The following CADM2 variants were observed in gnomAD, a reference collection of about 807,000 sequenced individuals.
CADM2 encodes immunoglobulin superfamily member 4D.
In CADM2, 12 loss-of-function variants were observed where a neutral mutation model predicts 49.8. The observed-to-expected ratio is 0.24, with a 90% CI of 0.15 to 0.39. The LOEUF (loss-of-function observed/expected upper bound fraction) is 0.39. Ranked by LOEUF, CADM2 falls within the 10% of genes least tolerant of loss-of-function variation. The pLI is 1.00. For missense variants in CADM2, 378 were observed against 492.3 expected, an observed-to-expected ratio of 0.77 and a Z score of 2.20; for synonymous variants, 214 against 175.4, an observed-to-expected ratio of 1.22 and a Z score of -1.74.
chr3:85,189,362 GAATA>G (rs1322261737), intron 1 of CADM2, among the ~76,000 whole-genome samples: 3 of 151,886 alleles, frequency 2.0e-5, no homozygotes, highest in Non-Finnish European at 4.4e-5. Context: ...CTTGAACCTT[GAATA>G]AATAATTTTT....
intron 2 of CADM2, among the ~76,000 whole-genome samples, chr3:85,735,168 A>C (rs898222008): frequency 6.6e-6 from 1 of 152,122 alleles, no homozygotes; most frequent in Non-Finnish European, 1.5e-5. Context: ...ATCCATTATG[A>C]AGAATAAAGT....
intron 1 of CADM2, among the ~76,000 whole-genome samples, chr3:85,516,873 T>G (rs12487474): frequency 0.08 from 12,208 of 152,028 alleles, 950 homozygotes; most frequent in African/African-American, 0.18. Flanking sequence ...ATTAATAAAT[T>G]AAATTTATTT....
At chr3:85,087,262 T>A (rs2107514707) in intron 1 of CADM2, among the ~76,000 whole-genome samples, 1 of 152,268 alleles carries the variant, frequency 6.6e-6, no homozygotes, top group East Asian at 1.9e-4. Context: ...GCCCACATGT[T>A]CCTGGATATT....
intron 1 of CADM2, among the ~76,000 whole-genome samples, chr3:85,208,737 A>G (rs1422958766): frequency 6.6e-6 from 1 of 152,160 alleles, no homozygotes; most frequent in Non-Finnish European, 1.5e-5. Context: ...ATTGAAATTA[A>G]AAATAATCTC....
intron 1 of CADM2, among the ~76,000 whole-genome samples, chr3:85,195,013 T>C (rs542577000): frequency 3.3e-5 from 5 of 152,152 alleles, no homozygotes; most frequent in Middle Eastern, 3.4e-3. Context: ...TGGCTCTGCA[T>C]TTTTAACCGG....
At chr3:85,809,150 A>T (rs2072647668) in intron 3 of CADM2, among the ~76,000 whole-genome samples, 1 of 152,246 alleles carries the variant, frequency 6.6e-6, no homozygotes, top group African/African-American at 2.4e-5. Flanking sequence ...TATACAGTAA[A>T]GTTATTAGAT....
intron 5 of CADM2, among the ~76,000 whole-genome samples, chr3:85,905,226 A>C (rs1342995263): frequency 7.2e-5 from 11 of 152,182 alleles, no homozygotes; most frequent in Admixed American, 7.2e-4. Context: ...TGTGGAAAAT[A>C]GCAAAGATAG....
At chr3:85,442,588 GTATATA>G (rs55882841) in intron 1 of CADM2, among the ~76,000 whole-genome samples, 1,240 of 120,658 alleles carry the variant, frequency 0.01, 11 homozygotes, top group African/African-American at 0.045. Flanking sequence ...TTATATATGA[GTATATA>G]TATATATATA....
rs1436625604 is a variant in CADM2 at position 85,336,949 on chromosome 3, ATATT to A, written c.61+377284_61+377287del. 3.4e-4 allele frequency among the ~76,000 whole-genome samples: 17 copies of A among 50,416 alleles called. No individual in the cohort carries two copies. The East Asian group carries it at 5.7e-3, about 17-fold the overall frequency. 33.1% of individuals were successfully genotyped at this position (50,416 alleles called of 152,430 possible). Reference sequence around the variant, plus strand: ...TAGTTAAAATGAACTAAATATATATATATTTAATATATATATTAAATATATATTT... The same window carrying A: ...TAGTTAAAATGAACTAAATATATATATAATATATATATTAAATATATATTT... On this transcript the variant is annotated intron_variant, in intron 1 of 9. Coordinates refer to ENST00000383699, the MANE Select transcript of CADM2 (RefSeq NM_001167675.2).
In CADM2 at chr3:86,073,604, T is replaced by TTGTCTG. The variant is rs1272498509; in HGVS notation, c.*6822_*6827dup. On this transcript the variant is annotated 3_prime_UTR_variant, in exon 10 of 10. Transcript: ENST00000383699. ...TCAGTAAAGTCTTGTCAGAAAAAAA[T>TTGTCTG]TGTCTGATAAATATGGAAAAATAAA... The TTGTCTG allele has an allele frequency of 1.3e-5, 2 of 152,002 alleles. No individual in the cohort carries two copies. Among genetic ancestry groups the TTGTCTG allele is most frequent in the African/African-American group, 4.8e-5 (2 of 41,454 alleles). The allele number at this position is 152,002 out of a possible 1,614,324, so 9.4% of individuals were successfully genotyped here. A position where few individuals can be genotyped will look rare whatever the true frequency, so the allele number is the denominator to read the frequency against.
chr3:85,273,011 G>T (rs1396843469), intron 1 of CADM2, among the ~76,000 whole-genome samples: 1 of 151,204 alleles, frequency 6.6e-6, no homozygotes, highest in African/African-American at 2.4e-5. Flanking sequence ...GATATTGGGA[G>T]GTGAAGGAGC....
At position 85,694,476 on chromosome 3, in the gene CADM2, C is replaced by T. The variant is rs1014480955; in HGVS notation, c.62-32046C>T. 2.0e-5 allele frequency among the ~76,000 whole-genome samples: 3 copies of T among 152,212 alleles called. No homozygotes were observed. In the East Asian group the frequency reaches 5.8e-4, roughly 29 times the overall value. ...ACCTGAATCTTGGACTTCCAGACTC[C>T]AGAACTATGAGAAAATAAATGTTTG... On this transcript the variant is annotated intron_variant, in intron 1 of 9. Transcript: ENST00000383699.
At chr3:85,002,690 A>T (rs1001385293) in intron 1 of CADM2, among the ~76,000 whole-genome samples, 2 of 152,198 alleles carry the variant, frequency 1.3e-5, no homozygotes, top group African/African-American at 2.4e-5. Flanking sequence ...TAATCTGGGT[A>T]GCTCTTTTAC....
At chr3:85,495,618 G>C (rs913171169) in intron 1 of CADM2, among the ~76,000 whole-genome samples, 7 of 151,960 alleles carry the variant, frequency 4.6e-5, no homozygotes, top group South Asian at 2.1e-4. Flanking sequence ...CATGATTATA[G>C]GCCAAGAATG....
intron 1 of CADM2, among the ~76,000 whole-genome samples, chr3:85,017,627 C>A (rs559142870): frequency 1.3e-5 from 2 of 152,130 alleles, no homozygotes; most frequent in Admixed American, 1.3e-4. Context: ...ATCCTGCCAA[C>A]CACGCTTTCA....
intron 2 of CADM2, among the ~76,000 whole-genome samples, chr3:85,780,504 C>A (rs901036353): frequency 5.1e-4 from 78 of 152,074 alleles, no homozygotes; most frequent in Non-Finnish European, 1.9e-4. Context: ...TCTTAAATAC[C>A]TTTTCTTAAA....
At chr3:85,142,919 T>C (rs1234942978) in intron 1 of CADM2, among the ~76,000 whole-genome samples, 1 of 152,222 alleles carries the variant, frequency 6.6e-6, no homozygotes. Context: ...TTGTATTTTG[T>C]GTGTTTGGAA....
chr3:85,584,258 A>T (rs1309360604), intron 1 of CADM2, among the ~76,000 whole-genome samples: 4 of 152,096 alleles, frequency 2.6e-5, no homozygotes, highest in African/African-American at 9.6e-5. Flanking sequence ...TCAGGAAAGC[A>T]GTCTGTAGAA....
chr3:85,559,882 C>T (rs984211098), intron 1 of CADM2, among the ~76,000 whole-genome samples: 2 of 151,988 alleles, frequency 1.3e-5, no homozygotes, highest in Non-Finnish European at 2.9e-5. Flanking sequence ...GGAAAGAAGC[C>T]ATTATCAGAT....
Sources: allele counts gnomAD v4.1 joint callset (sites outside exome capture counted in the v4.1 genomes callset), GRCh38; gene constraint gnomAD v4.1.1; transcripts MANE v1.5; gene names NCBI Gene and HGNC (gene_info 2026-07-23, HGNC 2026-07-21).